The following PLSCR5 variants were observed in gnomAD, a reference collection of about 807,000 sequenced individuals.
PLSCR5 encodes the protein phospholipid scramblase family member 5.
In PLSCR5, 44 loss-of-function variants were observed where a neutral mutation model predicts 33.6. The ratio of observed to expected loss-of-function variants is 1.31; its 90% CI spans 1.03 to 1.69. The LOEUF is 1.69. PLSCR5 is among the 40% of genes most tolerant of loss of function. The pLI, the probability that PLSCR5 is intolerant of heterozygous loss-of-function variation, is 0.00. For missense variants in PLSCR5, 375 were observed against 318.7 expected, an observed-to-expected ratio of 1.18 and a Z score of -1.34; for synonymous variants, 148 against 112.3, an observed-to-expected ratio of 1.32 and a Z score of -2.01.
In PLSCR5 at chr3:146,591,702, T is replaced by C; in HGVS notation, c.615+18A>G. ...ATCAGGACCTAAATGAAAACTTCTT[T>C]CATTTTGTCAATTGTACCTCAAAAT... On this transcript the variant is annotated intron_variant, in intron 5 of 7. Coordinates refer to ENST00000443512, the MANE Select transcript of PLSCR5 (RefSeq NM_001085420.2). The C allele has an allele frequency of 1.3e-6, 2 of 1,597,164 alleles. No homozygotes were observed. Among genetic ancestry groups the C allele is most frequent in the South Asian group, 2.3e-5 (2 of 86,954 alleles).
intron 7 of PLSCR5, among the ~76,000 whole-genome samples, chr3:146,580,619 A>G (rs756129388): frequency 1.6e-4 from 25 of 151,820 alleles, no homozygotes; most frequent in Non-Finnish European, 3.4e-4. Context: ...CCACGCTGCC[A>G]TGCCCAGTTA....
At chr3:146,588,568 T>TACAC (rs145182423) in intron 6 of PLSCR5, among the ~76,000 whole-genome samples, 19 of 151,528 alleles carry the variant, frequency 1.3e-4, no homozygotes, top group Admixed American at 7.2e-4. Flanking sequence ...CACACACATA[T>TACAC]ACACACACAC....
At chr3:146,597,584 A>G (rs995345273) in intron 2 of PLSCR5, among the ~76,000 whole-genome samples, 9 of 152,094 alleles carry the variant, frequency 5.9e-5, no homozygotes, top group African/African-American at 2.2e-4. Flanking sequence ...GATTTAAGGG[A>G]GTTGTTTGTT....
chr3:146,586,291 A>G (rs558592704), intron 6 of PLSCR5, among the ~76,000 whole-genome samples, 179 bp from the exon 7 acceptor site: 1 of 152,196 alleles, frequency 6.6e-6, no homozygotes, highest in Non-Finnish European at 1.5e-5. Context: ...TTTTATTTTC[A>G]TGTTGAATTT....
At chr3:146,592,071 T>C (rs1321173110) in intron 4 of PLSCR5, among the ~76,000 whole-genome samples, 190 bp from the exon 5 acceptor site, 5 of 152,090 alleles carry the variant, frequency 3.3e-5, no homozygotes, top group African/African-American at 1.2e-4. Context: ...AGAAATTCAC[T>C]GTATAAACAT....
chr3:146,585,559 A>G (rs1293226513), downstream of PLSCR5, among the ~76,000 whole-genome samples: 1 of 152,138 alleles, frequency 6.6e-6, no homozygotes, highest in African/African-American at 2.4e-5. Context: ...CAATAAGAAA[A>G]TTAATAAACA....
intron 4 of PLSCR5, 38 bp from the exon 5 acceptor site, chr3:146,591,919 G>T: frequency 2.0e-6 from 3 of 1,475,230 alleles, no homozygotes; most frequent in South Asian, 2.7e-5. Flanking sequence ...GATTTTCTTA[G>T]GTTATCATAT....
chr3:146,576,713 A>C (rs2044599853), exon 8 of PLSCR5: 1 of 148,874 alleles, frequency 6.7e-6, no homozygotes, highest in Non-Finnish European at 1.5e-5. Context: ...GCTTTGAAAT[A>C]CTCTAAATAA....
chr3:146,580,520 A>G (rs2044626861), intron 7 of PLSCR5, among the ~76,000 whole-genome samples: 2 of 124,500 alleles, frequency 1.6e-5, no homozygotes, highest in African/African-American at 3.2e-5. Flanking sequence ...GCTGGAGTGC[A>G]GTGGTACGAT....
chr3:146,604,012 T>C (rs1209180256), intron 1 of PLSCR5, among the ~76,000 whole-genome samples: 1 of 152,112 alleles, frequency 6.6e-6, no homozygotes, highest in Admixed American at 6.6e-5. Flanking sequence ...ATTTGTTTCA[T>C]ATTAAATAGT....
chr3:146,599,978 T>C (rs781316783), intron 2 of PLSCR5, among the ~76,000 whole-genome samples: 1 of 152,120 alleles, frequency 6.6e-6, no homozygotes, highest in Non-Finnish European at 1.5e-5. Context: ...AGACAATTTC[T>C]TGAGCAAAAA....
intron 2 of PLSCR5, among the ~76,000 whole-genome samples, chr3:146,599,865 G>T (rs67360105): frequency 0.28 from 43,130 of 151,566 alleles, 6,300 homozygotes; most frequent in African/African-American, 0.36. Context: ...AGACAGGGTT[G>T]TATCATGTTG....
intron 4 of PLSCR5, among the ~76,000 whole-genome samples, chr3:146,592,543 T>C (rs930678007): frequency 1.3e-5 from 2 of 151,900 alleles, no homozygotes; most frequent in African/African-American, 4.8e-5. Context: ...AAATTGGGGG[T>C]GGGTACAAAT....
In PLSCR5 at chr3:146,578,272, G is replaced by A. The variant is rs141351444; in HGVS notation, c.*45-1547C>T. Among the ~76,000 whole-genome samples the A allele has an allele frequency of 2.0e-5, 3 of 151,756 alleles. No individual in the cohort carries two copies. The East Asian group carries it at 5.8e-4, about 29-fold the overall frequency. ...AGGTATTTTTTCAGGCTTACACATT[G>A]GCTACTTTATCTATTATGTGGAATA... On this transcript the variant is annotated intron_variant, in intron 7 of 7. Coordinates refer to the PLSCR5 transcript ENST00000482567.
intron 7 of PLSCR5, among the ~76,000 whole-genome samples, chr3:146,578,203 A>G (rs980335162): frequency 1.9e-3 from 1 of 538 alleles, no homozygotes; most frequent in Non-Finnish European, 3.6e-3. Context: ...TGTTTAATAA[A>G]GTTTTTTATT....
intron 1 of PLSCR5, 52 bp downstream of exon 1, chr3:146,605,148 T>C: frequency 6.5e-7 from 1 of 1,542,476 alleles, no homozygotes; most frequent in Admixed American, 1.7e-5. Context: ...CAATTGTATA[T>C]TTTTAGTCTT....
chr3:146,577,081 T>C (rs201691960), intron 7 of PLSCR5, among the ~76,000 whole-genome samples: 1 of 152,130 alleles, frequency 6.6e-6, no homozygotes, highest in East Asian at 1.9e-4. Context: ...TGGATATTTT[T>C]AAAAAATAGC....
At chr3:146,590,762 G>T (rs567445847) in intron 5 of PLSCR5, among the ~76,000 whole-genome samples, 46 of 152,134 alleles carry the variant, frequency 3.0e-4, no homozygotes, top group African/African-American at 1.1e-3. Flanking sequence ...AATTTGCATT[G>T]TATTCTACGT....
At chr3:146,589,872 T>G (rs566091920) in intron 5 of PLSCR5, 58 bp from the exon 6 acceptor site, 226 of 1,160,104 alleles carry the variant, frequency 1.9e-4, no homozygotes, top group Non-Finnish European at 2.2e-4. Flanking sequence ...GGTTTTATAC[T>G]TCTGAGGGTG....
Sources: allele counts gnomAD v4.1 joint callset (sites outside exome capture counted in the v4.1 genomes callset), GRCh38; gene constraint gnomAD v4.1.1; transcripts MANE v1.5; gene names NCBI Gene and HGNC (gene_info 2026-07-23, HGNC 2026-07-21).